MTERF1: variants seen among roughly 807,000 people sequenced by gnomAD.
MTERF1 encodes transcription termination factor 1, mitochondrial.
Under a neutral mutation model 31.6 loss-of-function variants are expected in MTERF1, and 29 were observed. The observed-to-expected ratio is 0.92, with a 90% CI of 0.68 to 1.25. The LOEUF (loss-of-function observed/expected upper bound fraction) is 1.25, where lower values mean the gene tolerates loss of function less well. MTERF1 is among the 50% of genes most tolerant of loss of function. The probability of loss-of-function intolerance (pLI) is 0.00; values close to 1 mark genes in which losing one functional copy is unlikely to be tolerated. For missense variants in MTERF1, 500 were observed against 469.1 expected (o/e 1.07, Z -0.61); for synonymous variants, 152 against 164.1 (o/e 0.93, Z 0.57).
chr7:91,874,878 C>A (rs1789304641), intron 2 of MTERF1, 114 bp from the exon 3 acceptor site: 2 of 677,914 alleles, frequency 3.0e-6, no homozygotes, highest in Non-Finnish European at 4.9e-6. Flanking sequence ...ACCTTCAGCT[C>A]CAGCTCTCCA....
intron 2 of MTERF1, among the ~76,000 whole-genome samples, chr7:91,879,642 GA>G (rs1789450803): frequency 6.8e-6 from 1 of 147,664 alleles, no homozygotes; most frequent in African/African-American, 2.5e-5. Flanking sequence ...AATTCTCCAT[GA>G]TGCTTTACTC....
Position 91,874,474 on chromosome 7 carries a change from A to C in MTERF1, c.320T>G (p.Leu107Arg). Residue 107 changes from leucine to arginine, a missense_variant, in exon 3 of 3, where the codon CTG (leucine) becomes CGG (arginine). Physicochemically the swap from Leu to Arg is moderately radical, Grantham distance 102. Coordinates refer to ENST00000351870, the MANE Select transcript of MTERF1 (RefSeq NM_006980.5). ...FHRMITNEQD[L>R]KMFLLSKGAS... ...TCCTTTGGAAAGAAGGAACATCTTC[A>C]GGTCCTGCTCATTGGTAATCATCCT... is the stretch of plus-strand genomic sequence containing the variant. The C allele has an allele frequency of 1.2e-6, 2 of 1,614,112 alleles. No individual in the cohort carries two copies. The highest frequency in any genetic ancestry group is 1.1e-5 in the South Asian group (1 of 91,080).
intron 2 of MTERF1, among the ~76,000 whole-genome samples, chr7:91,877,186 T>C (rs1413734043): frequency 3.9e-5 from 6 of 152,190 alleles, no homozygotes; most frequent in Non-Finnish European, 8.8e-5. Flanking sequence ...ATCAAAAAAG[T>C]GTGAAGACTA....
In MTERF1 at chr7:91,872,755, G is replaced by A. The variant is rs181389447; in HGVS notation, c.*839C>T. On this transcript the variant is annotated 3_prime_UTR_variant, in exon 3 of 3. Coordinates refer to ENST00000351870, the MANE Select transcript of MTERF1 (RefSeq NM_006980.5). ...CTCACGTCTTTCAGTTTATGTCAGA[G>A]CTAGATTGTATCTTGAAAATACCGA... 7.2e-5 allele frequency: 11 copies of A among 152,244 alleles called. No individual in the cohort carries two copies. Among genetic ancestry groups the A allele is most frequent in the African/African-American group, 2.6e-4 (11 of 41,542 alleles). The allele number at this position is 152,244 out of a possible 1,614,324, so 9.4% of individuals were successfully genotyped here. A position where few individuals can be genotyped will look rare whatever the true frequency, so the allele number is the denominator to read the frequency against.
intron 2 of MTERF1, among the ~76,000 whole-genome samples, chr7:91,878,761 G>A (rs1020460313): frequency 6.6e-6 from 1 of 152,146 alleles, no homozygotes; most frequent in African/African-American, 2.4e-5. Flanking sequence ...CTTGAGCCCA[G>A]GAGATCCAGA....
chr7:91,879,108 A>G (rs928121692), intron 2 of MTERF1, among the ~76,000 whole-genome samples: 44 of 152,156 alleles, frequency 2.9e-4, no homozygotes, highest in African/African-American at 9.9e-4. Context: ...GCACCACTGC[A>G]CTCCAGTCTG....
intron 2 of MTERF1, chr7:91,876,876 A>C (rs1789359075): frequency 1.0e-6 from 1 of 980,556 alleles, no homozygotes. Context: ...TGACGGCTCT[A>C]CCTTGCATAG....
In MTERF1 at chr7:91,871,160, T is replaced by C. The variant is rs1363665233; in HGVS notation, c.*2434A>G. On this transcript the variant is annotated 3_prime_UTR_variant, in exon 3 of 3. Transcript: ENST00000351870. ...AACCTTAAAGTATGACATGTTAATTTTGCCTGACAGGCATTATCTGTTTGT... is the reference window on the plus strand; with the variant it reads ...AACCTTAAAGTATGACATGTTAATTCTGCCTGACAGGCATTATCTGTTTGT... 1 of 152,346 alleles carries C rather than the reference T, an allele frequency of 6.6e-6. No homozygotes were observed. Among genetic ancestry groups the C allele is most frequent in the Non-Finnish European group, 1.5e-5 (1 of 68,160 alleles). 9.4% of individuals were successfully genotyped at this position (152,346 alleles called of 1,614,324 possible). A position where few individuals can be genotyped will look rare whatever the true frequency, so the allele number is the denominator to read the frequency against.
rs1401820433 is a variant in MTERF1, at chr7:91,872,281, TC to T, written c.*1312del. 2 of 152,228 alleles carry T rather than the reference TC, an allele frequency of 1.3e-5. No individual in the cohort carries two copies. The highest frequency in any genetic ancestry group is 2.9e-5 in the Non-Finnish European group (2 of 68,024). The allele number at this position is 152,228 out of a possible 1,614,324, so 9.4% of individuals were successfully genotyped here. Reference sequence around the variant, plus strand: ...TATAAAGCTGCTTTTTAAAATACTATCTTTTTATTATAGCTATCACTGATTG... The same window carrying T: ...TATAAAGCTGCTTTTTAAAATACTATTTTTTATTATAGCTATCACTGATTG... On this transcript the variant is annotated 3_prime_UTR_variant, in exon 3 of 3. Transcript: ENST00000351870.
In MTERF1 at chr7:91,874,099, T is replaced by C. The variant is rs745368793; in HGVS notation, c.695A>G (p.Asp232Gly). The C allele has an allele frequency of 6.2e-6, 10 of 1,614,134 alleles. No homozygotes were observed. Among genetic ancestry groups the C allele is most frequent in the Non-Finnish European group, 8.5e-6 (10 of 1,180,032 alleles). ...TTTAAAAATTATCTTTCTGACAAAA[T>C]CTGCGGGATCATTGTGACCCAATGA... ...GLSLGHNDPADFVRKIIFKNP... is the reference protein window; with the variant it reads ...GLSLGHNDPAGFVRKIIFKNP... Residue 232 changes from aspartate to glycine, a missense_variant, in exon 3 of 3, where the codon GAT (aspartate) becomes GGT (glycine). Coordinates refer to ENST00000351870, the MANE Select transcript of MTERF1 (RefSeq NM_006980.5).
In MTERF1 at chr7:91,872,297, A is replaced by G. The variant is rs962564277; in HGVS notation, c.*1297T>C. ...AAAATACTATCTTTTTATTATAGCT[A>G]TCACTGATTGCATCATTACTATGTG... On this transcript the variant is annotated 3_prime_UTR_variant, in exon 3 of 3. Transcript: ENST00000351870. The G allele has an allele frequency of 2.0e-5, 3 of 152,232 alleles. No individual in the cohort carries two copies. Among genetic ancestry groups the G allele is most frequent in the African/African-American group, 7.2e-5 (3 of 41,462 alleles). The allele number at this position is 152,232 out of a possible 1,614,324, so 9.4% of individuals were successfully genotyped here. A position where few individuals can be genotyped will look rare whatever the true frequency, so the allele number is the denominator to read the frequency against.
intron 1 of MTERF1, chr7:91,880,384 T>C (rs1358774932): frequency 1.3e-5 from 4 of 312,002 alleles, no homozygotes; most frequent in Non-Finnish European, 2.4e-5. Context: ...CCACAACAAT[T>C]TAAAAGGTAG....
intron 2 of MTERF1, among the ~76,000 whole-genome samples, chr7:91,878,849 A>G (rs1355718735): frequency 6.6e-6 from 1 of 152,030 alleles, no homozygotes; most frequent in Non-Finnish European, 1.5e-5. Context: ...AAAAAAAGAC[A>G]ATATGTGTTT....
At chr7:91,879,913 C>T in intron 2 of MTERF1, 142 bp downstream of exon 2, 1 of 866,814 alleles carries the variant, frequency 1.2e-6, no homozygotes, top group East Asian at 2.5e-5. Context: ...AAAAGATTTA[C>T]GTTCGCCTCT....
rs758097628 is a variant in MTERF1, at chr7:91,874,225, C to G, written c.569G>C (p.Arg190Pro). 1 of 1,614,120 alleles carries G rather than the reference C, an allele frequency of 6.2e-7. No individual in the cohort carries two copies. The highest frequency in any genetic ancestry group is 1.1e-5 in the South Asian group (1 of 91,080). The change falls in exon 3 of 3, where the codon CGT becomes CCT. Residue 190 changes from arginine to proline, a missense_variant. Physicochemically the swap from Arg to Pro is moderately radical, Grantham distance 103 (BLOSUM62 -2). Coordinates refer to ENST00000351870, the MANE Select transcript of MTERF1 (RefSeq NM_006980.5). ...GGTCAACAATCGACAAAGGCATTTA[C>G]GGGTCAATCCAACTGAGTAGAGGAA... ...IKFLYSVGLTRKCLCRLLTNA... is the reference protein window; with the variant it reads ...IKFLYSVGLTPKCLCRLLTNA...
At chr7:91,876,301 A>G (rs1789345074) in intron 2 of MTERF1, among the ~76,000 whole-genome samples, 1 of 152,244 alleles carries the variant, frequency 6.6e-6, no homozygotes, top group Non-Finnish European at 1.5e-5. Context: ...GTCATATAAC[A>G]GTACATATAT....
intron 2 of MTERF1, among the ~76,000 whole-genome samples, chr7:91,875,695 C>G (rs900167972): frequency 6.6e-6 from 1 of 152,170 alleles, no homozygotes. Flanking sequence ...GCCCTGAAAA[C>G]CAACACCTCA....
At chr7:91,875,035 A>C (rs1227091955) in intron 2 of MTERF1, among the ~76,000 whole-genome samples, 1 of 152,230 alleles carries the variant, frequency 6.6e-6, no homozygotes, top group African/African-American at 2.4e-5. Context: ...ATCAATAAAC[A>C]AATGTACATA....
chr7:91,874,639 G>A lies in MTERF1; in HGVS notation c.155C>T (p.Ser52Leu). 6.2e-7 allele frequency: 1 copy of A among 1,614,068 alleles called. No individual in the cohort carries two copies. The highest frequency in any genetic ancestry group is 8.5e-7 in the Non-Finnish European group (1 of 1,180,020). The part of the protein sequence containing the change: ...TRFSAENIFK[S>L]VSFRLFGVKC... ...CACACCAAAAAGCCTAAATGAAACTGATTTGAAGATGTTTTCTGCTGAAAA... is the reference window on the plus strand; with the variant it reads ...CACACCAAAAAGCCTAAATGAAACTAATTTGAAGATGTTTTCTGCTGAAAA... Residue 52 changes from serine to leucine, a missense_variant, in exon 3 of 3, where the codon TCA becomes TTA. By Grantham distance (145) the Ser-to-Leu change is moderately radical (BLOSUM62 -2). Transcript: ENST00000351870.
Sources: allele counts gnomAD v4.1 joint callset (sites outside exome capture counted in the v4.1 genomes callset), GRCh38; gene constraint gnomAD v4.1.1; transcripts MANE v1.5; gene names NCBI Gene and HGNC (gene_info 2026-07-23, HGNC 2026-07-21).